The following SLC33A1 variants were observed in gnomAD, a reference collection of about 807,000 sequenced individuals.
SLC33A1 encodes acetyl-coenzyme A transporter 1.
In SLC33A1, 20 loss-of-function variants were observed where a neutral mutation model predicts 50.0. The ratio of observed to expected loss-of-function variants is 0.40; its 90% CI spans 0.28 to 0.58. The LOEUF (loss-of-function observed/expected upper bound fraction) is 0.58, where lower values mean the gene tolerates loss of function less well. Ranked by LOEUF, SLC33A1 falls within the 20% of genes least tolerant of loss-of-function variation. The pLI is 0.44. For missense variants in SLC33A1, 476 were observed against 657.0 expected (o/e 0.72, Z 3.01); for synonymous variants, 265 against 251.8 (o/e 1.05, Z -0.50).
rs1209173903 is a variant in SLC33A1, at chr3:155,827,749, A to G, written c.*461T>C. On this transcript the variant is annotated 3_prime_UTR_variant, in exon 6 of 6. Coordinates refer to ENST00000643144, the MANE Select transcript of SLC33A1 (RefSeq NM_004733.4). Reference sequence around the variant, plus strand: ...AAATTTAACTAATTTACAATTCAAAATAAGATTTTAACTGCCAACAATGTC... The same window carrying G: ...AAATTTAACTAATTTACAATTCAAAGTAAGATTTTAACTGCCAACAATGTC... 6.5e-6 allele frequency: 1 copy of G among 154,314 alleles called. No homozygotes were observed. The highest frequency in any genetic ancestry group is 1.4e-5 in the Non-Finnish European group (1 of 69,340). The allele number at this position is 154,314 out of a possible 1,614,324, so 9.6% of individuals were successfully genotyped here.
At chr3:155,844,335 AAGAGGC>A (rs926062289) in intron 1 of SLC33A1, among the ~76,000 whole-genome samples, 8 of 151,210 alleles carry the variant, frequency 5.3e-5, no homozygotes, top group South Asian at 2.1e-4. Context: ...AAAAATCACT[AAGAGGC>A]AGAGGCAGAG....
In SLC33A1 at chr3:155,825,876, T is replaced by A. The variant is rs1752184900; in HGVS notation, c.*2334A>T. ...ATTTATAATAAACAGATCCTCAGAT[T>A]TAGGCAGATCATTTTTAAATGCCAT... On this transcript the variant is annotated 3_prime_UTR_variant, in exon 6 of 6. Transcript: ENST00000643144. 1 of 152,214 alleles carries A rather than the reference T, an allele frequency of 6.6e-6. No individual in the cohort carries two copies. The highest frequency in any genetic ancestry group is 2.1e-4 in the South Asian group (1 of 4,828). The allele number at this position is 152,214 out of a possible 1,614,324, so 9.4% of individuals were successfully genotyped here. A position where few individuals can be genotyped will look rare whatever the true frequency, so the allele number is the denominator to read the frequency against.
At chr3:155,836,606 A>T (rs928731604) in intron 2 of SLC33A1, among the ~76,000 whole-genome samples, 1 of 152,206 alleles carries the variant, frequency 6.6e-6, no homozygotes, top group South Asian at 2.1e-4. Flanking sequence ...AATATATTTT[A>T]AAAAGTTTGG....
Position 155,849,403 on chromosome 3 carries a change from C to A in SLC33A1, c.775+3820G>T, listed in dbSNP as rs75607404. Among the ~76,000 whole-genome samples, 874 of 151,844 alleles carry A rather than the reference C, an allele frequency of 5.8e-3. 7 individuals are homozygous for A. The highest frequency in any genetic ancestry group is 0.02 in the African/African-American group (835 of 41,396). On this transcript the variant is annotated intron_variant, in intron 1 of 5. Transcript: ENST00000643144. ...TTTTTCTTATCCTATTAATAAGTTC[C>A]AGAAAGAACAATGTTATAAATGTGG...
At chr3:155,829,538 G>C in intron 5 of SLC33A1, 150 bp downstream of exon 5, 1 of 652,942 alleles carries the variant, frequency 1.5e-6, no homozygotes, top group Non-Finnish European at 2.7e-6. Flanking sequence ...CCTCAGCCTT[G>C]ATGTGAAAGA....
intron 1 of SLC33A1, among the ~76,000 whole-genome samples, chr3:155,851,174 G>A (rs1753384847): frequency 6.6e-6 from 1 of 151,880 alleles, no homozygotes; most frequent in Admixed American, 6.6e-5. Context: ...TAGAGAAGTG[G>A]AAATCGCAGT....
intron 2 of SLC33A1, among the ~76,000 whole-genome samples, chr3:155,837,394 C>A (rs1752726088): frequency 6.7e-6 from 1 of 149,336 alleles, no homozygotes; most frequent in Non-Finnish European, 1.5e-5. Flanking sequence ...TATGTGTTTT[C>A]AAGGATGTGA....
intron 2 of SLC33A1, among the ~76,000 whole-genome samples, 185 bp from the exon 3 acceptor site, chr3:155,834,226 C>G (rs1752566140): frequency 6.6e-6 from 1 of 152,048 alleles, no homozygotes; most frequent in Non-Finnish European, 1.5e-5. Context: ...TTATGGTTTT[C>G]TAATAATATT....
chr3:155,839,300 CAAAAAAAAAAAA>C (rs550171374), intron 2 of SLC33A1, among the ~76,000 whole-genome samples: 13,876 of 25,800 alleles, frequency 0.54, 4,035 homozygotes, highest in African/African-American at 0.73. Flanking sequence ...AACTCCGCCT[CAAAAAAAAAAAA>C]AAAAAAAAAA....
rs11299299 is a variant in SLC33A1, at chr3:155,851,408, ATTT to A, written c.775+1812_775+1814del. On this transcript the variant is annotated intron_variant, in intron 1 of 5. Transcript: ENST00000643144. The stretch of plus-strand genomic sequence containing the variant: ...ACAGGCCTTCGCAAAACACCCAGCT[ATTT>A]TTTTTTTTTTTTTAATTTTTAGTAG... Among the ~76,000 whole-genome samples the A allele has an allele frequency of 1.1e-3, 153 of 144,070 alleles. 1 individual carries two copies. The highest frequency in any genetic ancestry group is 3.5e-3 in the African/African-American group (140 of 39,632). 94.5% of individuals were successfully genotyped at this position (144,070 alleles called of 152,430 possible).
chr3:155,843,597 T>C (rs1468447548), intron 1 of SLC33A1, among the ~76,000 whole-genome samples: 1 of 152,136 alleles, frequency 6.6e-6, no homozygotes, highest in Non-Finnish European at 1.5e-5. Context: ...ATAGTAATAA[T>C]GGAGGTATCA....
chr3:155,837,073 G>A (rs1752708763), intron 2 of SLC33A1, among the ~76,000 whole-genome samples: 1 of 152,064 alleles, frequency 6.6e-6, no homozygotes. Flanking sequence ...TTAAAAAGAT[G>A]ATATACACCA....
chr3:155,832,813 T>C (rs1317108465), intron 4 of SLC33A1, among the ~76,000 whole-genome samples: 2 of 151,232 alleles, frequency 1.3e-5, no homozygotes, highest in Non-Finnish European at 2.9e-5. Flanking sequence ...GAAAAGATAT[T>C]AGGAATTCAA....
intron 1 of SLC33A1, among the ~76,000 whole-genome samples, chr3:155,844,425 GTATATATATATATATA>G (rs869082007): frequency 1.5e-3 from 51 of 33,626 alleles, no homozygotes; most frequent in South Asian, 5.6e-3. Flanking sequence ...CTACATAAAG[GTATATATATATATATA>G]TATATATATA....
At chr3:155,842,769 G>C (rs528778328) in intron 1 of SLC33A1, 150 bp from the exon 2 acceptor site, 1 of 471,830 alleles carries the variant, frequency 2.1e-6, no homozygotes, top group African/African-American at 2.0e-5. Flanking sequence ...AGCACTTTGG[G>C]AGGCCAAGGT....
Position 155,854,087 on chromosome 3 carries a change from A to G in SLC33A1, c.-90T>C. 2.7e-6 allele frequency: 3 copies of G among 1,101,612 alleles called. No homozygotes were observed. The highest frequency in any genetic ancestry group is 2.5e-6 in the Non-Finnish European group (2 of 794,762). The allele number at this position is 1,101,612 out of a possible 1,614,324, so 68.2% of individuals were successfully genotyped here. On this transcript the variant is annotated 5_prime_UTR_variant, in exon 1 of 6. Coordinates refer to ENST00000643144, the MANE Select transcript of SLC33A1 (RefSeq NM_004733.4). The stretch of plus-strand genomic sequence containing the variant: ...CCCAGGTCCAAGGCTGTCGCGCTGG[A>G]CCAGGGTTTCGGTGGTTCACGGGAT...
intron 2 of SLC33A1, among the ~76,000 whole-genome samples, chr3:155,841,486 C>T (rs181258607): frequency 2.3e-3 from 348 of 152,166 alleles, no homozygotes; most frequent in Non-Finnish European, 4.0e-3. Flanking sequence ...AAATGAAAAT[C>T]CTATAAGATT....
chr3:155,845,158 C>T (rs965004400), intron 1 of SLC33A1: 2 of 152,088 alleles, frequency 1.3e-5, no homozygotes, highest in African/African-American at 4.8e-5. Context: ...TTATATAAGA[C>T]TTAAGTAGTT....
At chr3:155,837,697 G>A (rs1285414899) in intron 2 of SLC33A1, among the ~76,000 whole-genome samples, 1 of 151,948 alleles carries the variant, frequency 6.6e-6, no homozygotes, top group Non-Finnish European at 1.5e-5. Context: ...ACAAACTATT[G>A]CTATAAATAA....
Sources: gnomAD v4.1 joint callset for allele counts (sites outside exome capture counted in the v4.1 genomes callset) on GRCh38, gnomAD v4.1.1 for gene constraint, MANE v1.5 for transcripts, NCBI Gene and HGNC (gene_info 2026-07-23, HGNC 2026-07-21) for gene names.